MAMDC4: variants seen among roughly 807,000 people sequenced by gnomAD.
The protein encoded by MAMDC4 is MAM domain containing 4, also known as apical endosomal glycoprotein.
Under a neutral mutation model 153.3 loss-of-function variants are expected in MAMDC4, and 168 were observed. That is an observed-to-expected ratio of 1.10 (90% CI 0.97 to 1.25). MAMDC4 has a LOEUF of 1.25. Among genes scored for constraint, MAMDC4 ranks in the 50% most tolerant of loss-of-function variants. MAMDC4 has a pLI of 0.00. For synonymous variants in MAMDC4, 744 were observed against 651.5 expected (o/e 1.14, Z -2.16); for missense variants, 1,701 against 1,542.8 (o/e 1.10, Z -1.72).
Position 136,854,246 on chromosome 9 carries a change from T to C in MAMDC4, c.706T>C (p.Cys236Arg). Reference protein sequence around the residue: ...QANCPPGHHHCQNKVCVEPQQ... With the variant: ...QANCPPGHHHRQNKVCVEPQQ... ...CAACTGTCCCCCGGGACACCACCAC[T>C]GCCAGAACAAGGTCTGCGTGGAGCC... Residue 236 changes from cysteine (C) to arginine (R), a missense_variant, in exon 7 of 27, where the codon TGC becomes CGC. Coordinates refer to ENST00000317446, the MANE Select transcript of MAMDC4 (RefSeq NM_206920.3). The C allele has an allele frequency of 1.9e-6, 3 of 1,610,706 alleles. No homozygotes were observed. The South Asian group carries it at 3.3e-5, about 18-fold the overall frequency.
chr9:136,856,444 C>T (rs1197191795), intron 14 of MAMDC4: 1 of 783,490 alleles, frequency 1.3e-6, no homozygotes, highest in African/African-American at 1.7e-5. Flanking sequence ...CCATCCTCCT[C>T]ATCCCCCTAC....
In MAMDC4 at chr9:136,858,458, G is replaced by C. The variant is rs1353249169; in HGVS notation, c.2733G>C (p.Leu911=). The C allele has an allele frequency of 1.2e-6, 2 of 1,608,258 alleles. No homozygotes were observed. The highest frequency in any genetic ancestry group is 1.7e-5 in the Admixed American group (1 of 59,954). ...CGWSHLAWPG[L]GGYSWDWGGG... ...GGAGCCACCTGGCCTGGCCCGGCCT[G>C]GGCGGATACAGCTGGGACTGGGGCG... Residue 911 remains leucine, a synonymous_variant, in exon 22 of 27, where the codon CTG becomes CTC. Coordinates refer to ENST00000317446, the MANE Select transcript of MAMDC4 (RefSeq NM_206920.3).
In MAMDC4 at chr9:136,856,662, GGA is replaced by G. The variant is rs754658402; in HGVS notation, c.1721-46_1721-45del. 8 of 1,577,664 alleles carry G rather than the reference GGA, an allele frequency of 5.1e-6. No individual in the cohort carries two copies. In the African/African-American group the frequency reaches 1.1e-4, roughly 21 times the overall value. ...GGAGCTTCCACCTTCTCAGGGCTCT[GGA>G]GGGGGAGGGGAGAAGGTGTGTGACG... On this transcript the variant is annotated intron_variant, in intron 14 of 26. Transcript: ENST00000317446.
At position 136,855,466 on chromosome 9, in the gene MAMDC4, C is replaced by CG; in HGVS notation, c.1321dup (p.Ala441GlyfsTer36). The CG allele has an allele frequency of 6.2e-7, 1 of 1,607,556 alleles. No homozygotes were observed. The highest frequency in any genetic ancestry group is 2.2e-5 in the East Asian group (1 of 44,686). Reference sequence around the variant, plus strand: ...CCTGCAGCCGCTGCCTCCTGGGCCCCGGGCCCCAGCCCCCCAGCCCCTGCC... The same window carrying CG: ...CCTGCAGCCGCTGCCTCCTGGGCCCCGGGGCCCCAGCCCCCCAGCCCCTGCC... On this transcript the variant is annotated frameshift_variant, in exon 12 of 27. Transcript: ENST00000317446. LOFTEE classifies it high-confidence loss of function.
rs369051007 is a variant in MAMDC4, at chr9:136,856,689, G to A, written c.1721-21G>A. On this transcript the variant is annotated intron_variant, in intron 14 of 26. Transcript: ENST00000317446. ...AGGGGGAGGGGAGAAGGTGTGTGAC[G>A]CCACCTGGCCCCACCCCCAGAGGTC... 349 of 1,608,768 alleles carry A rather than the reference G, an allele frequency of 2.2e-4. No individual in the cohort carries two copies. The African/African-American group carries it at 2.4e-3, about 11-fold the overall frequency.
chr9:136,854,382 C>A (rs1400615956), intron 7 of MAMDC4, 46 bp downstream of exon 7: 2 of 1,498,778 alleles, frequency 1.3e-6, no homozygotes, highest in South Asian at 2.6e-5. Context: ...AGACTGGACG[C>A]CTCGGTGGGG....
rs752947502 is a variant in MAMDC4, at chr9:136,857,360, C to T, written c.2107-7C>T. 53 of 1,608,364 alleles carry T rather than the reference C, an allele frequency of 3.3e-5. No homozygotes were observed. The highest frequency in any genetic ancestry group is 1.8e-5 in the Non-Finnish European group (21 of 1,179,480). ...GCCCCTGGCCAGCTGACACCCTCCA[C>T]CCCCAGCTGCTGTTCGAGGGCCTCC... On this transcript the variant is annotated splice_polypyrimidine_tract_variant and splice_region_variant and intron_variant, in intron 17 of 26. Coordinates refer to ENST00000317446, the MANE Select transcript of MAMDC4 (RefSeq NM_206920.3).
rs762736666 is a variant in MAMDC4, at chr9:136,857,638, G to A, written c.2327-21G>A. Reference sequence around the variant, plus strand: ...TTGAGGGGCTGGCCAGGGGCTGGCAGGCTGATGCTGGCACCTCCAGGGCAC... The same window carrying A: ...TTGAGGGGCTGGCCAGGGGCTGGCAAGCTGATGCTGGCACCTCCAGGGCAC... On this transcript the variant is annotated intron_variant, in intron 18 of 26. Coordinates refer to ENST00000317446, the MANE Select transcript of MAMDC4 (RefSeq NM_206920.3). 5.0e-6 allele frequency: 8 copies of A among 1,612,472 alleles called. No homozygotes were observed. The South Asian group carries it at 8.8e-5, about 18-fold the overall frequency.
Position 136,856,929 on chromosome 9 carries a change from C to T in MAMDC4, c.1860C>T (p.Pro620=). The T allele has an allele frequency of 6.2e-7, 1 of 1,610,354 alleles. No individual in the cohort carries two copies. ...TGQGHFVLLD[P]TDPLAWGHSA... is the part of the protein sequence containing the mutation. ...CAGGCCACTTTGTGCTCCTGGACCC[C>T]ACAGACCCCCTGGCCTGGGGCCACA... The change falls in exon 16 of 27, where the codon CCC becomes CCT. Residue 620 remains proline (P), a synonymous_variant. Transcript: ENST00000317446.
At chr9:136,854,439 CCTT>C in intron 7 of MAMDC4, 97 bp from the exon 8 acceptor site, 2 of 1,507,698 alleles carry the variant, frequency 1.3e-6, no homozygotes, top group Non-Finnish European at 1.8e-6. Context: ...CTTGGATGGT[CCTT>C]CTTGGGGTGT....
At chr9:136,858,655 T>G in intron 22 of MAMDC4, 64 bp from the exon 23 acceptor site, 3 of 1,600,730 alleles carry the variant, frequency 1.9e-6, no homozygotes, top group Admixed American at 1.8e-5. Flanking sequence ...TCACCGAGCC[T>G]CTGCTCGGGC....
chr9:136,853,075 G>C, intron 1 of MAMDC4, 27 bp from the exon 2 acceptor site: 1 of 1,604,828 alleles, frequency 6.2e-7, no homozygotes, highest in Non-Finnish European at 8.5e-7. Context: ...CTGCCCCCAG[G>C]CCACCTGGCT....
chr9:136,852,567 A>C, intron 1 of MAMDC4, 105 bp downstream of exon 1: 8 of 1,401,714 alleles, frequency 5.7e-6, no homozygotes, highest in Non-Finnish European at 7.0e-6. Context: ...CTGAGCCCCA[A>C]AGGGAAGGAG....
intron 22 of MAMDC4, 58 bp from the exon 23 acceptor site, chr9:136,858,661 C>T (rs1267498796): frequency 1.4e-5 from 22 of 1,603,836 alleles, no homozygotes; most frequent in African/African-American, 5.4e-5. Flanking sequence ...AGCCTCTGCT[C>T]GGGCCCTGAG....
chr9:136,853,046 G>A (rs1410644062), intron 1 of MAMDC4, 56 bp from the exon 2 acceptor site: 19 of 1,466,268 alleles, frequency 1.3e-5, no homozygotes, highest in Non-Finnish European at 1.4e-5. Context: ...TCCTAGGCAG[G>A]CTGGGATGGC....
Position 136,853,760 on chromosome 9 carries a change from G to T in MAMDC4, c.455-17G>T. The stretch of plus-strand genomic sequence containing the variant: ...ACAAGCAGGGCCGCAGCTGCCCTGG[G>T]ACCCCTGACATTGCAGATGTGGCTG... On this transcript the variant is annotated splice_polypyrimidine_tract_variant and intron_variant, in intron 4 of 26. Transcript: ENST00000317446. 1 of 1,607,578 alleles carries T rather than the reference G, an allele frequency of 6.2e-7. No homozygotes were observed. Among genetic ancestry groups the T allele is most frequent in the South Asian group, 1.1e-5 (1 of 90,806 alleles).
In MAMDC4 at chr9:136,853,610, A is replaced by T. The variant is rs748588620; in HGVS notation, c.394A>T (p.Thr132Ser). 6 of 1,601,634 alleles carry T rather than the reference A, an allele frequency of 3.7e-6. No individual in the cohort carries two copies. In the South Asian group the frequency reaches 6.6e-5, roughly 18 times the overall value. ...ATCCACCGCAGCCCTGCGCTCGCCA[A>T]CCCTGCGAGAGGCAGCCTCCTCTTG... ...EASTAALRSP[T>S]LREAASSCKL... The change falls in exon 4 of 27, where the codon ACC becomes TCC. Residue 132 changes from threonine to serine, a missense_variant. Physicochemically the swap from Thr to Ser is moderately conservative, Grantham distance 58. Coordinates refer to ENST00000317446, the MANE Select transcript of MAMDC4 (RefSeq NM_206920.3).
At position 136,856,147 on chromosome 9, in the gene MAMDC4, G is replaced by A. The variant is rs775892754; in HGVS notation, c.1718G>A (p.Arg573Gln). 1.2e-5 allele frequency: 19 copies of A among 1,611,908 alleles called. 1 individual carries two copies. Among genetic ancestry groups the A allele is most frequent in the Middle Eastern group, 3.3e-4 (2 of 6,080 alleles). Residue 573 changes from arginine (R) to glutamine (Q), a missense_variant and splice_region_variant, in exon 14 of 27, where the codon CGA becomes CAA. Arg to Gln is a conservative substitution (Grantham distance 43). Coordinates refer to ENST00000317446, the MANE Select transcript of MAMDC4 (RefSeq NM_206920.3). ...GCTTATTATTTACAGAGCCAGCCCC[G>A]AGGTACCGCCACACTCCGCAAGTTC... is the stretch of plus-strand genomic sequence containing the variant. The part of the protein sequence containing the change: ...HLAYYLQSQP[R>Q]EVSCNFERDT...
In MAMDC4 at chr9:136,858,189, GTGT is replaced by G. The variant is rs1222677685; in HGVS notation, c.2589_2591del (p.Phe864del). 5 of 1,589,194 alleles carry G rather than the reference GTGT, an allele frequency of 3.1e-6. No homozygotes were observed. The highest frequency in any genetic ancestry group is 4.3e-6 in the Non-Finnish European group (5 of 1,172,460). On this transcript the variant is annotated inframe_deletion, in exon 21 of 27. Coordinates refer to ENST00000317446, the MANE Select transcript of MAMDC4 (RefSeq NM_206920.3). Reference sequence around the variant, plus strand: ...TGCCCTGCCCTGCACCCGCCAGGTGGTGTTTGAGGCAGTGGCCGCAGGCGTGGC... The same window carrying G: ...TGCCCTGCCCTGCACCCGCCAGGTGGTTGAGGCAGTGGCCGCAGGCGTGGC...
Sources: allele counts gnomAD v4.1 joint callset, GRCh38; gene constraint gnomAD v4.1.1; transcripts MANE v1.5; gene names NCBI Gene and HGNC (gene_info 2026-07-23, HGNC 2026-07-21).